The following FRYL variants were observed in gnomAD, a reference collection of about 807,000 sequenced individuals.
FRYL encodes the protein FRY like transcription coactivator.
Under a neutral mutation model 351.2 loss-of-function variants are expected in FRYL, and 150 were observed. The observed-to-expected ratio is 0.43, with a 90% CI of 0.37 to 0.49. The LOEUF (loss-of-function observed/expected upper bound fraction) is 0.49, where lower values mean the gene tolerates loss of function less well. FRYL is among the 20% of genes least tolerant of loss of function. The pLI, the probability that FRYL is intolerant of heterozygous loss-of-function variation, is 0.00. For missense variants in FRYL, 3,036 were observed against 3,619.3 expected (o/e 0.84, Z 4.13); for synonymous variants, 1,153 against 1,257.1 (o/e 0.92, Z 1.75).
chr4:48,584,672 G>C (rs1166404282), intron 19 of FRYL, among the ~76,000 whole-genome samples: 1 of 152,102 alleles, frequency 6.6e-6, no homozygotes, highest in Non-Finnish European at 1.5e-5. Flanking sequence ...TGTGATACAG[G>C]GTATACATGT....
At chr4:48,557,400 T>A in intron 34 of FRYL, 53 bp downstream of exon 34, 2 of 1,599,974 alleles carry the variant, frequency 1.3e-6, no homozygotes, top group East Asian at 2.2e-5. Flanking sequence ...TCTAACCACA[T>A]CTACTCACTC....
intron 60 of FRYL, among the ~76,000 whole-genome samples, chr4:48,504,603 G>A (rs1331549337): frequency 4.6e-5 from 7 of 152,044 alleles, no homozygotes; most frequent in African/African-American, 1.7e-4. Flanking sequence ...ATTAGTGCAG[G>A]ATTTGGAGTC....
intron 20 of FRYL, among the ~76,000 whole-genome samples, chr4:48,582,208 G>T (rs1741099082): frequency 6.6e-6 from 1 of 152,136 alleles, no homozygotes. Context: ...AAAATTTATT[G>T]TACTGGCTTT....
At chr4:48,623,804 G>A (rs541529029) in intron 4 of FRYL, among the ~76,000 whole-genome samples, 1 of 150,924 alleles carries the variant, frequency 6.6e-6, no homozygotes, top group East Asian at 1.9e-4. Context: ...AGAAATATAA[G>A]TTAAAAAAAA....
At chr4:48,780,011 TCCCGGCGCCTGC>T (rs1453840363) in intron 1 of FRYL, 55 bp downstream of exon 1, 1 of 151,714 alleles carries the variant, frequency 6.6e-6, no homozygotes, top group Non-Finnish European at 1.5e-5. Context: ...GCGGCGGGCA[TCCCGGCGCCTGC>T]CCCGGGGCTG....
At chr4:48,764,377 A>C (rs1221910965) in intron 1 of FRYL, among the ~76,000 whole-genome samples, 1 of 151,720 alleles carries the variant, frequency 6.6e-6, no homozygotes, top group Non-Finnish European at 1.5e-5. Flanking sequence ...AAAAAAATCA[A>C]AAGGTTAGCC....
chr4:48,590,868 T>C, intron 16 of FRYL, 38 bp from the exon 17 acceptor site: 6 of 1,490,428 alleles, frequency 4.0e-6, no homozygotes, highest in Non-Finnish European at 5.5e-6. Flanking sequence ...GAGATGAGTA[T>C]CATAAATTAC....
At position 48,730,540 on chromosome 4, in the gene FRYL, C is replaced by T. The variant is rs569169167; in HGVS notation, c.-383-19842G>A. Among the ~76,000 whole-genome samples, 32 of 152,266 alleles carry T rather than the reference C, an allele frequency of 2.1e-4. 1 individual carries two copies. The South Asian group carries it at 6.2e-3, about 30-fold the overall frequency. On this transcript the variant is annotated intron_variant, in intron 1 of 63. Coordinates refer to ENST00000358350, the MANE Select transcript of FRYL (RefSeq NM_015030.2). ...ATCAGAATAACAGCGGATCTCTCTG[C>T]GGAAACCCTACAAGCCAGAAGACAG...
In FRYL at chr4:48,755,091, T is replaced by C. The variant is rs1229686442; in HGVS notation, c.-384+24987A>G. The stretch of plus-strand genomic sequence containing the variant: ...CTTCTATTAGTCTAGACTATGATTC[T>C]GTGAAGCCATCTGGTAGTCACATGT... On this transcript the variant is annotated intron_variant, in intron 1 of 63. Transcript: ENST00000358350. 2.6e-5 allele frequency among the ~76,000 whole-genome samples: 4 copies of C among 152,210 alleles called. No individual in the cohort carries two copies. In the East Asian group the frequency reaches 7.7e-4, roughly 29 times the overall value.
intron 27 of FRYL, among the ~76,000 whole-genome samples, chr4:48,568,661 T>C (rs1737419730): frequency 6.6e-6 from 1 of 152,164 alleles, no homozygotes; most frequent in Non-Finnish European, 1.5e-5. Context: ...GGTACTACAG[T>C]ATATTAACTA....
At chr4:48,595,047 G>A (rs1411578922) in intron 15 of FRYL, among the ~76,000 whole-genome samples, 2 of 152,224 alleles carry the variant, frequency 1.3e-5, no homozygotes, top group Non-Finnish European at 2.9e-5. Context: ...GGAAGACAGG[G>A]AGAAATGAAT....
chr4:48,664,656 C>T (rs1761408590), intron 3 of FRYL, among the ~76,000 whole-genome samples: 1 of 152,098 alleles, frequency 6.6e-6, no homozygotes. Context: ...GAGAAGTAGA[C>T]AGATTACCAG....
At chr4:48,530,740 C>T (rs1198674832) in intron 50 of FRYL, among the ~76,000 whole-genome samples, 1 of 152,160 alleles carries the variant, frequency 6.6e-6, no homozygotes, top group Non-Finnish European at 1.5e-5. Flanking sequence ...ATTTAACCTC[C>T]CCTCCCCAAA....
intron 56 of FRYL, among the ~76,000 whole-genome samples, 167 bp from the exon 57 acceptor site, chr4:48,512,855 G>C (rs1722768914): frequency 6.6e-6 from 1 of 152,136 alleles, no homozygotes; most frequent in Non-Finnish European, 1.5e-5. Flanking sequence ...GTGAATAAGT[G>C]AATTCCTGTT....
intron 36 of FRYL, 70 bp downstream of exon 36, chr4:48,553,145 G>A: frequency 1.6e-6 from 2 of 1,216,126 alleles, no homozygotes; most frequent in East Asian, 2.4e-5. Flanking sequence ...ACCCTAAAAT[G>A]GTTACCATAG....
At chr4:48,669,305 T>A (rs34902597) in intron 3 of FRYL, among the ~76,000 whole-genome samples, 12,584 of 151,994 alleles carry the variant, frequency 0.083, 676 homozygotes, top group Non-Finnish European at 0.13. Context: ...AGCCTCAGAG[T>A]GGAGCTGAGT....
chr4:48,771,204 G>A (rs1207546123), intron 1 of FRYL, among the ~76,000 whole-genome samples: 1 of 152,116 alleles, frequency 6.6e-6, no homozygotes, highest in Non-Finnish European at 1.5e-5. Context: ...AGTATATTAA[G>A]GGTTCAGTAG....
chr4:48,630,746 C>A (rs1752810210), intron 4 of FRYL, among the ~76,000 whole-genome samples: 1 of 152,106 alleles, frequency 6.6e-6, no homozygotes, highest in Non-Finnish European at 1.5e-5. Context: ...ATTATGGTTT[C>A]TAATGTAAGA....
At chr4:48,571,279 T>C (rs1738261534) in intron 26 of FRYL, among the ~76,000 whole-genome samples, 5 of 152,106 alleles carry the variant, frequency 3.3e-5, no homozygotes, top group Admixed American at 3.3e-4. Flanking sequence ...ATGACAGAAG[T>C]ATAGGGAAAA....
Sources: gnomAD v4.1 joint callset for allele counts (sites outside exome capture counted in the v4.1 genomes callset) on GRCh38, gnomAD v4.1.1 for gene constraint, MANE v1.5 for transcripts, NCBI Gene and HGNC (gene_info 2026-07-23, HGNC 2026-07-21) for gene names.